Variants in BCAS3 observed in about 807,000 individuals in gnomAD.
The protein encoded by BCAS3 is BCAS4/BCAS3 fusion.
A neutral mutation model predicts 116.1 loss-of-function variants in BCAS3; 53 were observed. The observed-to-expected ratio is 0.46, with a 90% CI of 0.37 to 0.57. BCAS3 has a LOEUF of 0.57. Among genes scored for constraint, BCAS3 ranks in the 20% least tolerant of loss-of-function variants. The pLI is 0.00. For synonymous variants in BCAS3, 391 were observed against 408.2 expected, an observed-to-expected ratio of 0.96 and a Z score of 0.51; for missense variants, 917 against 1,165.4, an observed-to-expected ratio of 0.79 and a Z score of 3.10.
chr17:60,937,173 T>C (rs534173267), intron 13 of BCAS3, among the ~76,000 whole-genome samples: 2 of 152,260 alleles, frequency 1.3e-5, no homozygotes, highest in Non-Finnish European at 2.9e-5. Flanking sequence ...TGGTTGTAGA[T>C]ATGCGACATT....
chr17:60,735,765 A>G (rs1047513534), intron 5 of BCAS3, among the ~76,000 whole-genome samples: 6 of 151,908 alleles, frequency 3.9e-5, no homozygotes, highest in Non-Finnish European at 7.4e-5. Context: ...TTTTTTGTAG[A>G]TGTTCTTTAA....
chr17:60,985,389 C>T (rs1257338755), intron 14 of BCAS3, among the ~76,000 whole-genome samples: 1 of 151,902 alleles, frequency 6.6e-6, no homozygotes, highest in African/African-American at 2.4e-5. Context: ...TCAGGTGATC[C>T]ACCCGTCTTG....
intron 14 of BCAS3, among the ~76,000 whole-genome samples, chr17:60,977,158 C>T (rs576793594): frequency 9.2e-5 from 14 of 152,088 alleles, no homozygotes; most frequent in Admixed American, 9.2e-4. Context: ...GGCTGCCCCC[C>T]ACGAAACAAT....
At chr17:61,340,544 G>A (rs1324392005) in intron 22 of BCAS3, among the ~76,000 whole-genome samples, 1 of 152,154 alleles carries the variant, frequency 6.6e-6, no homozygotes, top group Non-Finnish European at 1.5e-5. Context: ...CAGCATTAAA[G>A]GTCCGTCTGG....
chr17:60,774,872 C>T (rs2045115113), intron 6 of BCAS3, among the ~76,000 whole-genome samples: 1 of 152,158 alleles, frequency 6.6e-6, no homozygotes, highest in South Asian at 2.1e-4. Context: ...CTGTCCTGGG[C>T]TGCGTGTTGT....
rs1029061271 is a variant in BCAS3, at chr17:61,095,885, G to A, written c.2425+11321G>A. On this transcript the variant is annotated intron_variant, in intron 22 of 23. Coordinates refer to ENST00000407086, the MANE Select transcript of BCAS3 (RefSeq NM_017679.5). This position sits in a 1 kb window ranked among gnomAD's most constrained non-coding sequence, Gnocchi z 4.7. ...CACACACACACACATTAAATTACTA[G>A]TTTGTTTGTTTATTTCTACAGAAAT... Among the ~76,000 whole-genome samples the A allele has an allele frequency of 6.6e-6, 1 of 150,630 alleles. No homozygotes were observed. The highest frequency in any genetic ancestry group is 1.5e-5 in the Non-Finnish European group (1 of 67,934).
chr17:61,234,532 C>T (rs1054857993), intron 22 of BCAS3, among the ~76,000 whole-genome samples: 6 of 152,202 alleles, frequency 3.9e-5, no homozygotes, highest in Admixed American at 3.3e-4. Context: ...CAATAGACCT[C>T]CCTCCCAGGG....
chr17:61,165,099 A>G (rs1241283895), intron 22 of BCAS3, among the ~76,000 whole-genome samples: 6 of 152,242 alleles, frequency 3.9e-5, no homozygotes, highest in Non-Finnish European at 8.8e-5. Flanking sequence ...AACAGTTTCT[A>G]TCCATTCAAT....
chr17:61,097,242 A>G lies in BCAS3; in HGVS notation c.2425+12678A>G, dbSNP rs888835918. Among the ~76,000 whole-genome samples the G allele has an allele frequency of 3.3e-5, 5 of 152,156 alleles. No individual in the cohort carries two copies. The East Asian group carries it at 9.7e-4, about 29-fold the overall frequency. ...CACCCAGGCTGGAGTGCAGTGGCGC[A>G]ATCTCGGCTCACTGCAAGCTCCACC... is the stretch of plus-strand genomic sequence containing the variant. On this transcript the variant is annotated intron_variant, in intron 22 of 23. Transcript: ENST00000407086. The surrounding 1 kb of genome is among the most constrained non-coding windows in gnomAD (Gnocchi z 4.0).
At chr17:60,850,066 C>T (rs2052940764) in intron 7 of BCAS3, among the ~76,000 whole-genome samples, 1 of 152,074 alleles carries the variant, frequency 6.6e-6, no homozygotes, top group South Asian at 2.1e-4. Context: ...TGCCTGGACT[C>T]CCCTATTCTT....
At chr17:61,304,136 C>G (rs1306459733) in intron 22 of BCAS3, among the ~76,000 whole-genome samples, 2 of 152,190 alleles carry the variant, frequency 1.3e-5, no homozygotes, top group Non-Finnish European at 2.9e-5. Context: ...CAAATTTGCT[C>G]TTTATCCTTT....
At chr17:60,689,598 G>A (rs2034547274) in intron 3 of BCAS3, 88 bp from the exon 4 acceptor site, 1 of 875,308 alleles carries the variant, frequency 1.1e-6, no homozygotes, top group South Asian at 1.6e-5. Flanking sequence ...GAGAGGTATA[G>A]TGTTGGCTTT....
At chr17:61,234,852 A>G (rs1450239846) in intron 22 of BCAS3, among the ~76,000 whole-genome samples, 1 of 151,556 alleles carries the variant, frequency 6.6e-6, no homozygotes, top group African/African-American at 2.4e-5. Flanking sequence ...TTCCTCACAA[A>G]GCACTAGGCT....
intron 19 of BCAS3, among the ~76,000 whole-genome samples, chr17:61,071,344 T>A (rs1271292414): frequency 6.6e-6 from 1 of 152,228 alleles, no homozygotes; most frequent in Non-Finnish European, 1.5e-5. Context: ...TCATATTTTT[T>A]CCTTTTAAAG....
intron 22 of BCAS3, among the ~76,000 whole-genome samples, chr17:61,137,357 C>T (rs2076698912): frequency 6.6e-6 from 1 of 152,216 alleles, no homozygotes; most frequent in Non-Finnish European, 1.5e-5. Flanking sequence ...AGCCACATGC[C>T]AGCCACATAA....
chr17:61,329,229 C>T (rs2056007956), intron 22 of BCAS3, among the ~76,000 whole-genome samples: 1 of 151,838 alleles, frequency 6.6e-6, no homozygotes, highest in Non-Finnish European at 1.5e-5. Context: ...CATGAGTACT[C>T]CACCCTTGTG....
chr17:61,343,122 G>A lies in BCAS3; in HGVS notation c.2426-25205G>A, dbSNP rs570643497. Among the ~76,000 whole-genome samples the A allele has an allele frequency of 5.2e-4, 79 of 152,252 alleles. No homozygotes were observed. Among genetic ancestry groups the A allele is most frequent in the African/African-American group, 1.9e-3 (77 of 41,554 alleles). ...CTTATCCTATTTTCCCAGGCTCCTG[G>A]GCCACCGAGGAGGGTCAATTCGTGG... On this transcript the variant is annotated intron_variant, in intron 22 of 23. Transcript: ENST00000407086. The surrounding 1 kb of genome is among the most constrained non-coding windows in gnomAD (Gnocchi z 5.5).
chr17:60,980,748 C>G (rs2062759150), intron 14 of BCAS3: 1 of 152,228 alleles, frequency 6.6e-6, no homozygotes, highest in Admixed American at 6.6e-5. Flanking sequence ...GTTGCCCAGT[C>G]TAGTCTTGAA....
In BCAS3 at chr17:61,079,304, A is replaced by C. The variant is rs2072328128; in HGVS notation, c.2327+775A>C. On this transcript the variant is annotated intron_variant, in intron 21 of 23. Coordinates refer to ENST00000407086, the MANE Select transcript of BCAS3 (RefSeq NM_017679.5). ...CCTTTTTCTTGCACACCTTTTAAAA[A>C]ATAGTGGGAAAAAATGTTCCAGTTA... Among the ~76,000 whole-genome samples, 3 of 152,372 alleles carry C rather than the reference A, an allele frequency of 2.0e-5. No homozygotes were observed. In the South Asian group the frequency reaches 6.2e-4, roughly 32 times the overall value.
Sources: gnomAD v4.1 joint callset for allele counts (sites outside exome capture counted in the v4.1 genomes callset) on GRCh38, gnomAD v4.1.1 for gene constraint, Gnocchi (gnomAD v3.1) non-coding constraint, MANE v1.5 for transcripts, NCBI Gene and HGNC (gene_info 2026-07-23, HGNC 2026-07-21) for gene names.